Variants in MAP4K5 observed in about 807,000 individuals in gnomAD.
The protein encoded by MAP4K5 is mitogen-activated protein kinase kinase kinase kinase 5.
Under a neutral mutation model 135.6 loss-of-function variants are expected in MAP4K5, and 82 were observed. The observed-to-expected ratio is 0.60, with a 90% CI of 0.51 to 0.73. MAP4K5 has a LOEUF of 0.73. MAP4K5 is among the 30% of genes least tolerant of loss of function. The pLI is 0.00. For missense variants in MAP4K5, 907 were observed against 1,010.9 expected (o/e 0.90, Z 1.39); for synonymous variants, 347 against 335.0 (o/e 1.04, Z -0.39).
chr14:50,450,952 A>G (rs2036471027), intron 14 of MAP4K5, among the ~76,000 whole-genome samples: 1 of 152,234 alleles, frequency 6.6e-6, no homozygotes, highest in African/African-American at 2.4e-5. Context: ...TAGTAAAACC[A>G]GACCCAGAGG....
chr14:50,545,000 A>C (rs1389003395), intron 1 of MAP4K5, among the ~76,000 whole-genome samples: 2 of 151,378 alleles, frequency 1.3e-5, no homozygotes, highest in Admixed American at 6.6e-5. Context: ...TCACCAGATT[A>C]CTGAAGGGTG....
chr14:50,523,629 C>G (rs2038196755), intron 2 of MAP4K5, among the ~76,000 whole-genome samples: 1 of 152,178 alleles, frequency 6.6e-6, no homozygotes, highest in African/African-American at 2.4e-5. Flanking sequence ...CATTCCTGAT[C>G]CTCCTTAACC....
chr14:50,445,289 A>AC, intron 17 of MAP4K5, 95 bp from the exon 18 acceptor site: 1 of 1,151,294 alleles, frequency 8.7e-7, no homozygotes, highest in Non-Finnish European at 1.2e-6. Context: ...ATTCTTCTAT[A>AC]CAGTTCAATT....
intron 1 of MAP4K5, among the ~76,000 whole-genome samples, chr14:50,555,725 T>C (rs2038757849): frequency 6.6e-6 from 1 of 152,208 alleles, no homozygotes; most frequent in Non-Finnish European, 1.5e-5. Context: ...ACTAATATAG[T>C]CCATGATACC....
intron 16 of MAP4K5, 133 bp downstream of exon 16, chr14:50,447,280 CA>C: frequency 1.7e-6 from 1 of 577,726 alleles, no homozygotes; most frequent in Non-Finnish European, 3.0e-6. Flanking sequence ...TGGTAAAACT[CA>C]AAAGCTTTAC....
At chr14:50,521,011 G>C (rs1423498649) in intron 2 of MAP4K5, among the ~76,000 whole-genome samples, 2 of 151,920 alleles carry the variant, frequency 1.3e-5, no homozygotes, top group African/African-American at 4.8e-5. Context: ...TTCGTAGACA[G>C]GGTTTCAACA....
chr14:50,512,877 T>G (rs2037958673), intron 2 of MAP4K5, among the ~76,000 whole-genome samples: 1 of 152,162 alleles, frequency 6.6e-6, no homozygotes, highest in East Asian at 1.9e-4. Flanking sequence ...GTTTTTAACT[T>G]TAATACACAA....
chr14:50,531,408 C>G (rs1026434820), intron 2 of MAP4K5, among the ~76,000 whole-genome samples: 7 of 152,178 alleles, frequency 4.6e-5, no homozygotes, highest in African/African-American at 1.7e-4. Flanking sequence ...GATCAAACTT[C>G]CACCAGGAAA....
At chr14:50,462,026 G>A (rs919318186) in intron 13 of MAP4K5, among the ~76,000 whole-genome samples, 1 of 152,032 alleles carries the variant, frequency 6.6e-6, no homozygotes, top group Non-Finnish European at 1.5e-5. Flanking sequence ...TAATAGTTTT[G>A]AAATACTGAA....
intron 2 of MAP4K5, among the ~76,000 whole-genome samples, chr14:50,516,536 T>G (rs2038037330): frequency 6.6e-6 from 1 of 152,104 alleles, no homozygotes; most frequent in African/African-American, 2.4e-5. Context: ...TCCTAAAAAA[T>G]TAGCCACACT....
chr14:50,438,652 AAAC>A (rs2139687475), intron 23 of MAP4K5, among the ~76,000 whole-genome samples: 1 of 152,286 alleles, frequency 6.6e-6, no homozygotes, highest in African/African-American at 2.4e-5. Context: ...TAACAATACA[AAAC>A]AATATTTATC....
chr14:50,511,928 T>C (rs2037938054), intron 2 of MAP4K5, among the ~76,000 whole-genome samples: 1 of 152,080 alleles, frequency 6.6e-6, no homozygotes, highest in Non-Finnish European at 1.5e-5. Flanking sequence ...ACAGGGGATT[T>C]TTAGGAGAGT....
chr14:50,551,916 G>A (rs1226079861), intron 1 of MAP4K5, among the ~76,000 whole-genome samples: 1 of 151,916 alleles, frequency 6.6e-6, no homozygotes, highest in Non-Finnish European at 1.5e-5. Flanking sequence ...TACCAAACAA[G>A]GAAAATTTGA....
intron 2 of MAP4K5, among the ~76,000 whole-genome samples, chr14:50,528,857 A>G (rs1024216524): frequency 6.6e-6 from 1 of 152,216 alleles, no homozygotes; most frequent in Admixed American, 6.5e-5. Flanking sequence ...TCAGAAACAC[A>G]GTGATAAATA....
At chr14:50,426,637 T>C (rs1240103029) in intron 30 of MAP4K5, among the ~76,000 whole-genome samples, 2 of 152,160 alleles carry the variant, frequency 1.3e-5, no homozygotes, top group African/African-American at 2.4e-5. Context: ...AACGGGAGAA[T>C]TGCTTGAACC....
intron 26 of MAP4K5, among the ~76,000 whole-genome samples, chr14:50,436,190 TA>T (rs2036088122): frequency 6.6e-6 from 1 of 152,196 alleles, no homozygotes; most frequent in South Asian, 2.1e-4. Flanking sequence ...TGTTACTTAC[TA>T]GTGACACAAT....
Position 50,560,303 on chromosome 14 carries a change from A to G in MAP4K5, c.-180+737T>C, listed in dbSNP as rs184968459. On this transcript the variant is annotated intron_variant, in intron 1 of 8. Transcript: ENST00000555216. ...CGCAGGGACAGAAACAGTTGGGGTG[A>G]GTAGCAAATGAGAACTTCTGCAGCC... The G allele has an allele frequency of 1.1e-5, 18 of 1,613,870 alleles. No homozygotes were observed. In the Admixed American group the frequency reaches 3.0e-4, roughly 27 times the overall value.
At chr14:50,531,904 G>C in intron 2 of MAP4K5, 38 bp downstream of exon 2, 1 of 1,405,276 alleles carries the variant, frequency 7.1e-7, no homozygotes, top group Non-Finnish European at 9.9e-7. Flanking sequence ...CCGGGACCCA[G>C]TCGACCGCAG....
At chr14:50,461,557 TAA>T (rs2139806350) in intron 13 of MAP4K5, among the ~76,000 whole-genome samples, 1 of 152,260 alleles carries the variant, frequency 6.6e-6, no homozygotes, top group East Asian at 1.9e-4. Flanking sequence ...GCTATAGTCA[TAA>T]ATAGATACCT....
Sources: allele counts gnomAD v4.1 joint callset (sites outside exome capture counted in the v4.1 genomes callset), GRCh38; gene constraint gnomAD v4.1.1; transcripts MANE v1.5; gene names NCBI Gene and HGNC (gene_info 2026-07-23, HGNC 2026-07-21).